Variants in ZFHX3 observed in about 807,000 individuals in gnomAD.
ZFHX3 encodes zinc finger homeobox 3.
ZFHX3 carries 42 observed loss-of-function variants against 279.1 expected under a neutral mutation model. The observed-to-expected ratio is 0.15, with a 90% CI of 0.12 to 0.19. ZFHX3 has a LOEUF of 0.19. Ranked by LOEUF, ZFHX3 falls within the 10% of genes least tolerant of loss-of-function variation. The pLI is 1.00. For missense variants in ZFHX3, 4,981 were observed against 4,754.0 expected (o/e 1.05, Z -1.40); for synonymous variants, 2,293 against 1,957.8 (o/e 1.17, Z -4.52).
chr16:72,824,683 G>C (rs1226267452), intron 5 of ZFHX3, among the ~76,000 whole-genome samples: 2 of 152,154 alleles, frequency 1.3e-5, no homozygotes, highest in Non-Finnish European at 2.9e-5. Context: ...ATCTTGCTAT[G>C]ATTCTTTGCC....
At chr16:73,858,386 C>A (rs943641345) in intron 1 of ZFHX3, among the ~76,000 whole-genome samples, 4 of 152,192 alleles carry the variant, frequency 2.6e-5, no homozygotes, top group African/African-American at 9.7e-5. Context: ...GTCTTAGATG[C>A]TCTGATGACA....
At position 72,829,871 on chromosome 16, in the gene ZFHX3, G is replaced by GA; in HGVS notation, c.3449-13dup. On this transcript the variant is annotated splice_polypyrimidine_tract_variant and intron_variant, in intron 4 of 9. Coordinates refer to ENST00000268489, the MANE Select transcript of ZFHX3 (RefSeq NM_006885.4). ...TTCAATGGCTTCTTCTGAAACAGAA[G>GA]AAAAACATGTCAAGGGTTAAAAATA... 2.5e-6 allele frequency: 4 copies of GA among 1,614,020 alleles called. No individual in the cohort carries two copies. The highest frequency in any genetic ancestry group is 3.4e-6 in the Non-Finnish European group (4 of 1,179,948).
chr16:73,821,030 A>G (rs915634406), intron 1 of ZFHX3, among the ~76,000 whole-genome samples: 2 of 152,158 alleles, frequency 1.3e-5, no homozygotes, highest in African/African-American at 4.8e-5. Flanking sequence ...ACTGAGGTCT[A>G]GAGAGCGTGA....
intron 4 of ZFHX3, among the ~76,000 whole-genome samples, chr16:73,289,615 T>C (rs2014717939): frequency 6.6e-6 from 1 of 152,016 alleles, no homozygotes; most frequent in East Asian, 1.9e-4. Flanking sequence ...CCAGGGCACC[T>C]TGAGTGCCAT....
chr16:72,892,244 T>C (rs1037040950), intron 3 of ZFHX3, among the ~76,000 whole-genome samples: 3 of 152,198 alleles, frequency 2.0e-5, no homozygotes, highest in Non-Finnish European at 4.4e-5. Flanking sequence ...CTGGCTAAAG[T>C]ATCCCACAGG....
At chr16:73,652,663 C>T (rs1028801782) in intron 2 of ZFHX3, among the ~76,000 whole-genome samples, 17 of 151,960 alleles carry the variant, frequency 1.1e-4, no homozygotes, top group Admixed American at 2.0e-4. Flanking sequence ...ATGAAGTTAA[C>T]GTGTTAAAGG....
chr16:73,211,296 G>A (rs1368302166), intron 5 of ZFHX3, among the ~76,000 whole-genome samples: 1 of 152,162 alleles, frequency 6.6e-6, no homozygotes, highest in Non-Finnish European at 1.5e-5. Flanking sequence ...GAAAAATAGG[G>A]TTTCTGGGCA....
At position 73,180,809 on chromosome 16, in the gene ZFHX3, C is replaced by T. The variant is rs148243799; in HGVS notation, c.-1103-36978G>A. Among the ~76,000 whole-genome samples, 1,400 of 151,830 alleles carry T rather than the reference C, an allele frequency of 9.2e-3. 22 individuals carry two copies. Among genetic ancestry groups the T allele is most frequent in the African/African-American group, 0.032 (1,342 of 41,414 alleles). ...TCCTGAGTAGCTGGGATTACAGGTG[C>T]GCACCACCACACCCAGCTAATTTTT... On this transcript the variant is annotated intron_variant, in intron 5 of 17. Coordinates refer to the ZFHX3 transcript ENST00000641206.
chr16:72,964,115 T>C (rs1236492095), intron 1 of ZFHX3, among the ~76,000 whole-genome samples: 1 of 152,152 alleles, frequency 6.6e-6, no homozygotes, highest in African/African-American at 2.4e-5. Flanking sequence ...AAGCAGTGAA[T>C]ACCGCCTTCC....
At chr16:73,680,389 A>G (rs1000240335) in intron 1 of ZFHX3, 1 of 152,238 alleles carries the variant, frequency 6.6e-6, no homozygotes, top group Non-Finnish European at 1.5e-5. Flanking sequence ...GTTCAAAGCC[A>G]TGGAGGTCAC....
rs551864626 is a variant in ZFHX3, at chr16:72,957,831, G to A, written c.2315C>T (p.Ala772Val). ...GEQVFSHTAGAAAAAVAAAAA... is the reference protein window; with the variant it reads ...GEQVFSHTAGVAAAAVAAAAA... The stretch of plus-strand genomic sequence containing the variant: ...CGCCGCAGCCACCGCCGCCGCCGCC[G>A]CCCCGGCAGTGTGGCTGAAGACCTG... Residue 772 changes from alanine to valine, a missense_variant, in exon 2 of 10, where the codon GCG (alanine) becomes GTG (valine). Ala to Val is a moderately conservative substitution (Grantham distance 64). Coordinates refer to ENST00000268489, the MANE Select transcript of ZFHX3 (RefSeq NM_006885.4). 15 of 1,611,638 alleles carry A rather than the reference G, an allele frequency of 9.3e-6. No homozygotes were observed. Among genetic ancestry groups the A allele is most frequent in the East Asian group, 4.5e-5 (2 of 44,780 alleles).
intron 4 of ZFHX3, among the ~76,000 whole-genome samples, chr16:73,257,596 G>C (rs1448505226): frequency 2.0e-5 from 3 of 152,180 alleles, no homozygotes; most frequent in African/African-American, 4.8e-5. Context: ...GTTTGTATTT[G>C]TACTCATTGA....
intron 1 of ZFHX3, among the ~76,000 whole-genome samples, chr16:73,764,196 C>A (rs969608583): frequency 1.3e-5 from 2 of 152,184 alleles, no homozygotes; most frequent in African/African-American, 4.8e-5. Flanking sequence ...AGGTACAGAG[C>A]TCTTTGGAAG....
At position 72,899,685 on chromosome 16, in the gene ZFHX3, C is replaced by T. The variant is rs535649374; in HGVS notation, c.3217-9723G>A. On this transcript the variant is annotated intron_variant, in intron 3 of 9. Transcript: ENST00000268489. ...ACTCTGAATCTCACTAGCTGTGCCA[C>T]GTAGGGCAAGTCACATACACTGTTG... 1.6e-3 allele frequency among the ~76,000 whole-genome samples: 237 copies of T among 152,184 alleles called. 1 individual carries two copies. The highest frequency in any genetic ancestry group is 5.1e-3 in the African/African-American group (210 of 41,522).
In ZFHX3 at chr16:72,957,865, C is replaced by T. The variant is rs758717997; in HGVS notation, c.2281G>A (p.Gly761Arg). ...GTGTGGCTGAAGACCTGCTCCCCCC[C>T]TCCATTCTGCAGGTTCTGCATGTTG... ...LNNMQNLQNG[G>R]GEQVFSHTAG... The change falls in exon 2 of 10, where the codon GGG becomes AGG. Residue 761 changes from glycine to arginine, a missense_variant. Physicochemically the swap from Gly to Arg is moderately radical, Grantham distance 125. Coordinates refer to ENST00000268489, the MANE Select transcript of ZFHX3 (RefSeq NM_006885.4). 3.7e-6 allele frequency: 6 copies of T among 1,613,956 alleles called. No individual in the cohort carries two copies. The highest frequency in any genetic ancestry group is 1.6e-4 in the Middle Eastern group (1 of 6,084).
intron 1 of ZFHX3, among the ~76,000 whole-genome samples, chr16:73,007,634 G>A (rs1039742420): frequency 6.6e-6 from 1 of 152,102 alleles, no homozygotes; most frequent in Non-Finnish European, 1.5e-5. Flanking sequence ...CTTTAGTAGA[G>A]ACTGGGTTTC....
intron 3 of ZFHX3, among the ~76,000 whole-genome samples, chr16:73,353,402 A>G (rs1315109340): frequency 6.6e-6 from 1 of 152,236 alleles, no homozygotes; most frequent in Non-Finnish European, 1.5e-5. Context: ...GACCTGACTG[A>G]AATGAGCACA....
At chr16:73,583,358 T>G (rs2051881467) in intron 2 of ZFHX3, among the ~76,000 whole-genome samples, 1 of 152,178 alleles carries the variant, frequency 6.6e-6, no homozygotes, top group Non-Finnish European at 1.5e-5. Flanking sequence ...AAAAACAGGT[T>G]GAAAACCAGA....
intron 2 of ZFHX3, among the ~76,000 whole-genome samples, chr16:73,607,370 A>G (rs1379076225): frequency 6.6e-6 from 1 of 152,178 alleles, no homozygotes; most frequent in Non-Finnish European, 1.5e-5. Flanking sequence ...CATGCTGTAT[A>G]TGTACTACAT....
Sources: allele counts gnomAD v4.1 joint callset (sites outside exome capture counted in the v4.1 genomes callset), GRCh38; gene constraint gnomAD v4.1.1; transcripts MANE v1.5; gene names NCBI Gene and HGNC (gene_info 2026-07-23, HGNC 2026-07-21).